Variants in PDHA1 observed in about 807,000 individuals in gnomAD.
PDHA1 encodes pyruvate dehydrogenase E1 component subunit alpha, somatic form, mitochondrial.
Under a neutral mutation model 33.0 loss-of-function variants are expected in PDHA1, and 1 was observed. That is an observed-to-expected ratio of 0.03 (90% CI 0.01 to 0.14). The LOEUF is 0.14. Among genes scored for constraint, PDHA1 ranks in the 10% least tolerant of loss-of-function variants. PDHA1 has a pLI of 1.00. For synonymous variants in PDHA1, 123 were observed against 119.2 expected, an observed-to-expected ratio of 1.03 and a Z score of -0.21; for missense variants, 168 against 325.1, an observed-to-expected ratio of 0.52 and a Z score of 3.72.
At chrX:19,344,673 C>A (rs1479749665) in intron 1 of PDHA1, among the ~76,000 whole-genome samples, 1 of 6,230 alleles carries the variant, frequency 1.6e-4, no homozygotes, top group East Asian at 5.5e-3. Context: ...TCAGTTAACT[C>A]TAAAATGGAG....
In PDHA1 at chrX:19,360,996, G is replaced by C. The variant is rs985392445; in HGVS notation, c.*1343G>C. ...TAGTAGGACATGGCCTTAGAGGTAC[G>C]TACCTGCAGAGAGCTGGCTATTTCA... On this transcript the variant is annotated 3_prime_UTR_variant, in exon 11 of 11. Coordinates refer to ENST00000422285, the MANE Select transcript of PDHA1 (RefSeq NM_000284.4). The C allele has an allele frequency of 2.3e-6, 1 of 428,753 alleles. No homozygotes were observed. Among genetic ancestry groups the C allele is most frequent in the Admixed American group, 4.4e-5 (1 of 22,634 alleles). The allele number at this position is 428,753 out of a possible 1,213,427, so 35.3% of individuals were successfully genotyped here. A position where few individuals can be genotyped will look rare whatever the true frequency, so the allele number is the denominator to read the frequency against.
At chrX:19,352,847 C>T (rs1348913472) in intron 4 of PDHA1, 1 of 434,453 alleles carries the variant, frequency 2.3e-6, no homozygotes, top group Non-Finnish European at 4.1e-6. Context: ...CTGGATGGAA[C>T]ATCTGAAGGA....
chrX:19,345,215 G>A (rs5955548), intron 1 of PDHA1, among the ~76,000 whole-genome samples: 23,708 of 110,089 alleles, frequency 0.22, 5,019 homozygotes, highest in African/African-American at 0.66. Context: ...GCTCTACTTA[G>A]TACAGGCAGA....
chrX:19,356,183 G>A (rs1268970584), intron 8 of PDHA1, among the ~76,000 whole-genome samples: 4 of 111,812 alleles, frequency 3.6e-5, no homozygotes, highest in East Asian at 2.8e-4. Flanking sequence ...GTAGAAGCTC[G>A]TAATCTTAGT....
In PDHA1 at chrX:19,361,354, C is replaced by T. The variant is rs977795204; in HGVS notation, c.*1701C>T. 8.3e-7 allele frequency: 1 copy of T among 1,206,308 alleles called. No individual in the cohort carries two copies. On this transcript the variant is annotated 3_prime_UTR_variant, in exon 11 of 11. Transcript: ENST00000422285. ...AGGCTCTTACCGTAGTCGAAGGTAT[C>T]TTAGATCTTCCTTAGTGATCTCATT... is the stretch of plus-strand genomic sequence containing the variant.
At chrX:19,350,241 A>T in intron 3 of PDHA1, 131 bp downstream of exon 3, 1 of 550,409 alleles carries the variant, frequency 1.8e-6, no homozygotes, top group Non-Finnish European at 3.2e-6. Context: ...TTATTTATTT[A>T]TTTTTTTGAG....
chrX:19,351,666 CAGA>C (rs1186986304), intron 4 of PDHA1, among the ~76,000 whole-genome samples: 2 of 110,735 alleles, frequency 1.8e-5, no homozygotes, highest in Admixed American at 9.7e-5. Flanking sequence ...TCAAGCATGC[CAGA>C]AGAAGTCTAG....
rs1446024914 is a variant in PDHA1 at position 19,349,348 on chromosome X, A to G, written c.94A>G (p.Asn32Asp). ...GCTGGTAGCATCCCGTAATTTTGCA[A>G]ATGATGCTACATTTGAAATTAAGGT... ...RVLVASRNFA[N>D]DATFEIKKCD... The change falls in exon 2 of 11, where the codon AAT (asparagine) becomes GAT (aspartate). Residue 32 changes from asparagine (N) to aspartate (D), a missense_variant. Transcript: ENST00000422285. 8.5e-7 allele frequency: 1 copy of G among 1,182,261 alleles called. No individual in the cohort carries two copies. The highest frequency in any genetic ancestry group is 2.2e-5 in the Admixed American group (1 of 46,020).
In PDHA1 at chrX:19,360,576, A is replaced by G. The variant is rs542108895; in HGVS notation, c.*923A>G. 2.4e-6 allele frequency: 1 copy of G among 411,410 alleles called. No homozygotes were observed. Among genetic ancestry groups the G allele is most frequent in the Admixed American group, 4.5e-5 (1 of 22,435 alleles). The allele number at this position is 411,410 out of a possible 1,213,427, so 33.9% of individuals were successfully genotyped here. On this transcript the variant is annotated 3_prime_UTR_variant, in exon 11 of 11. Transcript: ENST00000422285. The stretch of plus-strand genomic sequence containing the variant: ...TACACACAGTTCTATGTTTATAAAT[A>G]ACAGGTTTCAAAAGAAACTCAGGAC...
In PDHA1 at chrX:19,359,986, C is replaced by CAGCATTCTACCAACCATAG. The variant is rs1341737476; in HGVS notation, c.*334_*352dup. The CAGCATTCTACCAACCATAG allele has an allele frequency of 6.8e-6, 2 of 292,032 alleles. No homozygotes were observed. The highest frequency in any genetic ancestry group is 1.2e-5 in the Non-Finnish European group (2 of 161,542). 24.1% of individuals were successfully genotyped at this position (292,032 alleles called of 1,213,427 possible). On this transcript the variant is annotated 3_prime_UTR_variant, in exon 11 of 11. Coordinates refer to ENST00000422285, the MANE Select transcript of PDHA1 (RefSeq NM_000284.4). ...GAGACCATTATGGCGGGGCCCCTCA[C>CAGCATTCTACCAACCATAG]AGCATTCTACCAACCATAGCACCCA...
At position 19,361,021 on chromosome X, in the gene PDHA1, AAAT is replaced by A. The variant is rs1350351322; in HGVS notation, c.*1369_*1371del. 3 of 423,024 alleles carry A rather than the reference AAAT, an allele frequency of 7.1e-6. No homozygotes were observed. In the African/African-American group the frequency reaches 7.4e-5, roughly 10 times the overall value. The allele number at this position is 423,024 out of a possible 1,213,427, so 34.9% of individuals were successfully genotyped here. ...GTACCTGCAGAGAGCTGGCTATTTC[AAAT>A]GACTCGGGAACAAGAAGGCAGGCTG... On this transcript the variant is annotated 3_prime_UTR_variant, in exon 11 of 11. Coordinates refer to ENST00000422285, the MANE Select transcript of PDHA1 (RefSeq NM_000284.4).
chrX:19,352,998 C>T, intron 4 of PDHA1, 84 bp from the exon 5 acceptor site: 4 of 753,312 alleles, frequency 5.3e-6, no homozygotes, highest in Non-Finnish European at 8.4e-6. Context: ...ATGGTTGAGC[C>T]TCAGAGTACA....
At chrX:19,346,268 T>G (rs1210907086) in intron 1 of PDHA1, among the ~76,000 whole-genome samples, 2 of 111,395 alleles carry the variant, frequency 1.8e-5, no homozygotes, top group Non-Finnish European at 3.8e-5. Flanking sequence ...CACAAGATAA[T>G]CCCCTTAACC....
intron 5 of PDHA1, among the ~76,000 whole-genome samples, chrX:19,354,252 G>A (rs1310292525): frequency 3.5e-5 from 4 of 112,711 alleles, no homozygotes; most frequent in African/African-American, 1.3e-4. Context: ...TTTAACTCTT[G>A]AATGCAGAAA....
At chrX:19,351,565 G>C in intron 4 of PDHA1, 158 bp downstream of exon 4, 1 of 466,455 alleles carries the variant, frequency 2.1e-6, no homozygotes, top group South Asian at 3.7e-5. Flanking sequence ...GTGCTCTTGA[G>C]TTAACTGACC....
intron 10 of PDHA1, 106 bp downstream of exon 10, chrX:19,359,130 C>A: frequency 1.9e-6 from 1 of 537,135 alleles, no homozygotes. Context: ...AAGTGATGTC[C>A]TGGGACATAA....
Position 19,361,331 on chromosome X carries a change from G to T in PDHA1, c.*1678G>T, listed in dbSNP as rs749254470. 7 of 1,187,560 alleles carry T rather than the reference G, an allele frequency of 5.9e-6. No homozygotes were observed. Among genetic ancestry groups the T allele is most frequent in the Middle Eastern group, 2.8e-4 (1 of 3,603 alleles). On this transcript the variant is annotated 3_prime_UTR_variant, in exon 11 of 11. Coordinates refer to ENST00000422285, the MANE Select transcript of PDHA1 (RefSeq NM_000284.4). The stretch of plus-strand genomic sequence containing the variant: ...ATTCTCTTATACAAACTGTTTTGAG[G>T]CTCTTACCGTAGTCGAAGGTATCTT...
intron 1 of PDHA1, among the ~76,000 whole-genome samples, chrX:19,348,963 G>T (rs1347349500): frequency 8.9e-6 from 1 of 112,089 alleles, no homozygotes; most frequent in African/African-American, 3.2e-5. Flanking sequence ...ACAAACAAAA[G>T]AATGGCATAA....
In PDHA1 at chrX:19,360,970, G is replaced by A; in HGVS notation, c.*1317G>A. 2.2e-6 allele frequency: 1 copy of A among 464,259 alleles called. No individual in the cohort carries two copies. Among genetic ancestry groups the A allele is most frequent in the South Asian group, 3.6e-5 (1 of 28,053 alleles). The allele number at this position is 464,259 out of a possible 1,213,427, so 38.3% of individuals were successfully genotyped here. On this transcript the variant is annotated 3_prime_UTR_variant, in exon 11 of 11. Coordinates refer to ENST00000422285, the MANE Select transcript of PDHA1 (RefSeq NM_000284.4). ...TGGAGGTGACGCTCGTGTCCCAGCA[G>A]TAGTAGGACATGGCCTTAGAGGTAC...
Sources: gnomAD v4.1 joint callset for allele counts (sites outside exome capture counted in the v4.1 genomes callset) on GRCh38, gnomAD v4.1.1 for gene constraint, MANE v1.5 for transcripts, NCBI Gene and HGNC (gene_info 2026-07-23, HGNC 2026-07-21) for gene names.